Variants in GLI1 observed in about 807,000 individuals in gnomAD.
GLI1 encodes the protein GLI family zinc finger 1.
A neutral mutation model predicts 87.8 loss-of-function variants in GLI1; 51 were observed. The observed-to-expected ratio is 0.58, with a 90% confidence interval of 0.46 to 0.73. The LOEUF is 0.73. GLI1 is among the 30% of genes least tolerant of loss of function. GLI1 has a pLI of 0.00. For missense variants in GLI1, 1,292 were observed against 1,437.2 expected (o/e 0.90, Z 1.63); for synonymous variants, 528 against 558.2 (o/e 0.95, Z 0.76).
Position 57,465,227 on chromosome 12 carries a change from A to C in GLI1, c.506A>C (p.Gln169Pro). ...SARGGMIPHP[Q>P]SRGPFPTCQL... ...CGGGGTGGGATGATCCCACATCCTC[A>C]GTCCCGGGGACCCTTCCCAACTTGC... Residue 169 changes from glutamine (Q) to proline (P), a missense_variant, in exon 5 of 12, where the codon CAG becomes CCG. Gln to Pro is a moderately conservative substitution (Grantham distance 76, BLOSUM62 -1). Transcript: ENST00000228682. The C allele has an allele frequency of 6.2e-7, 1 of 1,613,076 alleles. No homozygotes were observed. The highest frequency in any genetic ancestry group is 8.5e-7 in the Non-Finnish European group (1 of 1,179,744).
Position 57,470,905 on chromosome 12 carries a change from T to C in GLI1, c.2165T>C (p.Met722Thr). 1 of 1,613,840 alleles carries C rather than the reference T, an allele frequency of 6.2e-7. No individual in the cohort carries two copies. The highest frequency in any genetic ancestry group is 8.5e-7 in the Non-Finnish European group (1 of 1,179,830). Reference sequence around the variant, plus strand: ...GTGGGCAGTGGTCTGAACCCCTATATGGACTTCCCACCTACTGATACTCTG... The same window carrying C: ...GTGGGCAGTGGTCTGAACCCCTATACGGACTTCCCACCTACTGATACTCTG... The part of the protein sequence containing the change: ...SMVGSGLNPY[M>T]DFPPTDTLGY... Residue 722 changes from methionine to threonine, a missense_variant, in exon 12 of 12, where the codon ATG (methionine) becomes ACG (threonine). By Grantham distance (81) the Met-to-Thr change is moderately conservative. Coordinates refer to ENST00000228682, the MANE Select transcript of GLI1 (RefSeq NM_005269.3).
intron 3 of GLI1, among the ~76,000 whole-genome samples, chr12:57,464,398 T>C (rs1319898744): frequency 6.6e-6 from 1 of 152,098 alleles, no homozygotes; most frequent in Non-Finnish European, 1.5e-5. Flanking sequence ...GGCTTGCACC[T>C]GTAGTGCCGA....
At position 57,471,792 on chromosome 12, in the gene GLI1, AGGCTAGGAGGG is replaced by A; in HGVS notation, c.3055_3065del (p.Leu1019SerfsTer13). 6.4e-7 allele frequency: 1 copy of A among 1,561,662 alleles called. No homozygotes were observed. The highest frequency in any genetic ancestry group is 8.7e-7 in the Non-Finnish European group (1 of 1,153,498). On this transcript the variant is annotated frameshift_variant, in exon 12 of 12. Transcript: ENST00000228682. LOFTEE classifies it high-confidence loss of function. This position sits in a 1 kb window ranked among gnomAD's most constrained non-coding sequence, Gnocchi z 4.9. ...CAGCTGTGGTCATCCTGAGGTGGGC[AGGCTAGGAGGG>A]GGTCCTGCCTTGTACCCTCCTCCCG...
chr12:57,464,382 C>T (rs1320912956), intron 3 of GLI1, among the ~76,000 whole-genome samples: 2 of 152,004 alleles, frequency 1.3e-5, no homozygotes, highest in African/African-American at 2.4e-5. Context: ...ATTAGCCGGG[C>T]GTGGTGGCTT....
Position 57,467,268 on chromosome 12 carries a change from AGGGTT to A in GLI1, c.913-64_913-60del. On this transcript the variant is annotated intron_variant, in intron 8 of 11. Transcript: ENST00000228682. ...CTGATGTGTGTCCTGTTGGAGATTG[AGGGTT>A]CCTTCCATCTCCATGTCCTCTGTCT... is the stretch of plus-strand genomic sequence containing the variant. 4 of 1,325,432 alleles carry A rather than the reference AGGGTT, an allele frequency of 3.0e-6. No homozygotes were observed. The South Asian group carries it at 5.5e-5, about 18-fold the overall frequency. The allele number at this position is 1,325,432 out of a possible 1,614,324, so 82.1% of individuals were successfully genotyped here. A position where few individuals can be genotyped will look rare whatever the true frequency, so the allele number is the denominator to read the frequency against.
chr12:57,469,400 G>T (rs772396455), intron 10 of GLI1, 31 bp from the exon 11 acceptor site: 1 of 1,606,728 alleles, frequency 6.2e-7, no homozygotes, highest in Non-Finnish European at 8.5e-7. Context: ...GTGGGGAAGG[G>T]TGTTGCCCTC....
chr12:57,465,825 T>A lies in GLI1; in HGVS notation c.662T>A (p.Leu221His), dbSNP rs772340309. 6.2e-7 allele frequency: 1 copy of A among 1,614,134 alleles called. No individual in the cohort carries two copies. The highest frequency in any genetic ancestry group is 8.5e-7 in the Non-Finnish European group (1 of 1,179,972). ...LLGMLDGRED[L>H]EREEKREPES... is the part of the protein sequence containing the mutation. ...GGGATGCTGGATGGGCGGGAGGACC[T>A]CGAGAGAGAGGAGAAGCGTGAGCCT... The change falls in exon 7 of 12, where the codon CTC becomes CAC. Residue 221 changes from leucine (L) to histidine (H), a missense_variant. This residue lies in a region of GLI1 where 383 missense variants were observed against 368.4 expected (regional missense o/e 1.04). Transcript: ENST00000228682.
Position 57,464,059 on chromosome 12 carries a change from G to A in GLI1, c.161G>A (p.Gly54Glu). ...ANLMSGPHSY[G>E]PARETNSCTE... ...CTCATGTCCGGCCCCCACAGTTATG[G>A]GCCAGCCAGAGAGACCAACAGCTGC... is the stretch of plus-strand genomic sequence containing the variant. The change falls in exon 3 of 12, where the codon GGG becomes GAG. Residue 54 changes from glycine (G) to glutamate (E), a missense_variant. This residue lies in a region of GLI1 where 383 missense variants were observed against 368.4 expected (regional missense o/e 1.04). Transcript: ENST00000228682. 2 of 1,613,584 alleles carry A rather than the reference G, an allele frequency of 1.2e-6. No individual in the cohort carries two copies. Among genetic ancestry groups the A allele is most frequent in the South Asian group, 2.2e-5 (2 of 91,074 alleles).
chr12:57,470,438 C>G lies in GLI1; in HGVS notation c.1698C>G (p.Pro566=). ...GCTCCTCCCTGGCCTCTCCTTTCCCCCCTGGCTCCCCACCAGAGAATGGAG... is the reference window on the plus strand; with the variant it reads ...GCTCCTCCCTGGCCTCTCCTTTCCCGCCTGGCTCCCCACCAGAGAATGGAG... ...SRRSSLASPF[P]PGSPPENGAS... Residue 566 remains proline (P), a synonymous_variant, in exon 12 of 12, where the codon CCC becomes CCG. Transcript: ENST00000228682. 6.2e-7 allele frequency: 1 copy of G among 1,614,198 alleles called. No individual in the cohort carries two copies. The highest frequency in any genetic ancestry group is 1.3e-5 in the African/African-American group (1 of 75,066).
Position 57,466,418 on chromosome 12 carries a change from T to C in GLI1, c.912+29T>C, listed in dbSNP as rs1042905409. ...AGGCACCAGTGTCCCAAGTCCAGGGTCTCTTCCTAAATCAGGGCTCTCCTT... is the reference window on the plus strand; with the variant it reads ...AGGCACCAGTGTCCCAAGTCCAGGGCCTCTTCCTAAATCAGGGCTCTCCTT... On this transcript the variant is annotated intron_variant, in intron 8 of 11. Coordinates refer to ENST00000228682, the MANE Select transcript of GLI1 (RefSeq NM_005269.3). The C allele has an allele frequency of 1.1e-5, 18 of 1,583,504 alleles. No homozygotes were observed. The African/African-American group carries it at 2.3e-4, about 20-fold the overall frequency.
intron 2 of GLI1, 62 bp downstream of exon 2, chr12:57,463,853 C>A: frequency 9.0e-7 from 1 of 1,115,898 alleles, no homozygotes; most frequent in Non-Finnish European, 1.3e-6. Context: ...TTGGGCCCAC[C>A]CCCACCCCAT....
chr12:57,465,076 A>C (rs767700618), intron 4 of GLI1, 35 bp from the exon 5 acceptor site: 69 of 1,607,964 alleles, frequency 4.3e-5, no homozygotes, highest in Non-Finnish European at 5.8e-5. Flanking sequence ...GAGACTTCCT[A>C]ATTGTCTTAA....
At position 57,471,054 on chromosome 12, in the gene GLI1, T is replaced by A. The variant is rs1160315310; in HGVS notation, c.2314T>A (p.Tyr772Asn). ...GPNPCPQQAS[Y>N]PDPTQETWGE... ...CAACCCCTGTCCCCAGCAGGCCTCA[T>A]ATCCTGACCCCACCCAAGAAACATG... Residue 772 changes from tyrosine to asparagine, a missense_variant, in exon 12 of 12, where the codon TAT becomes AAT. By Grantham distance (143) the Tyr-to-Asn change is moderately radical (BLOSUM62 -2). Transcript: ENST00000228682. This position sits in a 1 kb window ranked among gnomAD's most constrained non-coding sequence, Gnocchi z 4.9. 1.9e-6 allele frequency: 3 copies of A among 1,611,292 alleles called. No homozygotes were observed. The Admixed American group carries it at 5.0e-5, about 27-fold the overall frequency.
rs756993955 is a variant in GLI1 at position 57,470,610 on chromosome 12, G to C, written c.1870G>C (p.Ala624Pro). ...GLPMPPWRSR[A>P]EYPGYNPNAG... ...TCCCATGCCTCCTTGGAGAAGCCGA[G>C]CCGAGTATCCAGGATACAACCCCAA... Residue 624 changes from alanine to proline, a missense_variant, in exon 12 of 12, where the codon GCC (alanine) becomes CCC (proline). Physicochemically the swap from Ala to Pro is conservative, Grantham distance 27. Transcript: ENST00000228682. The C allele has an allele frequency of 1.2e-6, 2 of 1,614,102 alleles. No individual in the cohort carries two copies. Among genetic ancestry groups the C allele is most frequent in the Non-Finnish European group, 1.7e-6 (2 of 1,180,022 alleles).
chr12:57,466,658 C>A (rs1565599250), intron 8 of GLI1, among the ~76,000 whole-genome samples: 1 of 152,112 alleles, frequency 6.6e-6, no homozygotes, highest in Non-Finnish European at 1.5e-5. Context: ...AATCCCAGCA[C>A]TTTGGGAGGC....
At position 57,465,215 on chromosome 12, in the gene GLI1, TC is replaced by T; in HGVS notation, c.497del (p.Pro166HisfsTer14). ...GPHDSARGGM[I>X]PHPQSRGPFP... ...CATGACTCTGCCCGGGGTGGGATGA[TC>T]CCACATCCTCAGTCCCGGGGACCCT... On this transcript the variant is annotated frameshift_variant, in exon 5 of 12. Coordinates refer to ENST00000228682, the MANE Select transcript of GLI1 (RefSeq NM_005269.3). LOFTEE classifies it high-confidence loss of function. The T allele has an allele frequency of 6.2e-7, 1 of 1,613,408 alleles. No individual in the cohort carries two copies. The highest frequency in any genetic ancestry group is 8.5e-7 in the Non-Finnish European group (1 of 1,179,818).
rs915604014 is a variant in GLI1 at position 57,470,878 on chromosome 12, T to C, written c.2138T>C (p.Met713Thr). 5.0e-6 allele frequency: 8 copies of C among 1,611,444 alleles called. No individual in the cohort carries two copies. Among genetic ancestry groups the C allele is most frequent in the Non-Finnish European group, 5.1e-6 (6 of 1,178,610 alleles). ...GAAGAGCCAGAAGTTGGGACCTCCA[T>C]GGTGGGCAGTGGTCTGAACCCCTAT... ...LQEEPEVGTS[M>T]VGSGLNPYMD... Residue 713 changes from methionine to threonine, a missense_variant, in exon 12 of 12, where the codon ATG becomes ACG. By Grantham distance (81) the Met-to-Thr change is moderately conservative. This residue lies in a region of GLI1 where 897 missense variants were observed against 1,040.7 expected (regional missense o/e 0.86). Transcript: ENST00000228682.
chr12:57,466,013 G>T (rs1326380931), intron 7 of GLI1, 88 bp downstream of exon 7: 1 of 1,304,116 alleles, frequency 7.7e-7, no homozygotes, highest in African/African-American at 1.5e-5. Context: ...GAGGGCAGGA[G>T]GTCAGAGGAG....
intron 1 of GLI1, among the ~76,000 whole-genome samples, chr12:57,461,007 C>A (rs1204380490): frequency 6.6e-6 from 1 of 152,166 alleles, no homozygotes; most frequent in Non-Finnish European, 1.5e-5. Context: ...CCGTTGGCAC[C>A]CCGCCCAAAC....
Sources: gnomAD v4.1 joint callset for allele counts (sites outside exome capture counted in the v4.1 genomes callset) on GRCh38, gnomAD v4.1.1 for gene constraint, gnomAD v4.1.1 regional missense constraint, Gnocchi (gnomAD v3.1) non-coding constraint, MANE v1.5 for transcripts, NCBI Gene and HGNC (gene_info 2026-07-23, HGNC 2026-07-21) for gene names.